Variants in KCNK2 observed in about 807,000 individuals in gnomAD.
The protein encoded by KCNK2 is potassium channel subfamily K member 2.
KCNK2 carries 21 observed loss-of-function variants against 40.5 expected under a neutral mutation model. The observed-to-expected ratio is 0.52, with a 90% confidence interval of 0.37 to 0.75. The LOEUF is 0.75. KCNK2 is among the 30% of genes least tolerant of loss of function. KCNK2 has a pLI of 0.00. For synonymous variants in KCNK2, 191 were observed against 202.2 expected, an observed-to-expected ratio of 0.94 and a Z score of 0.47; for missense variants, 399 against 531.6, an observed-to-expected ratio of 0.75 and a Z score of 2.45.
intron 6 of KCNK2, among the ~76,000 whole-genome samples, chr1:215,220,361 A>G (rs574708283): frequency 2.6e-5 from 4 of 152,242 alleles, no homozygotes; most frequent in African/African-American, 9.6e-5. Context: ...TACTGCCACC[A>G]CCAGGAACCC....
chr1:215,100,375 C>T (rs896054590), intron 2 of KCNK2, among the ~76,000 whole-genome samples: 8 of 151,864 alleles, frequency 5.3e-5, no homozygotes, highest in African/African-American at 1.9e-4. Context: ...CTAAATGGAA[C>T]GTCTTATTTT....
At chr1:215,069,860 C>T (rs1658684393) in intron 1 of KCNK2, among the ~76,000 whole-genome samples, 2 of 152,056 alleles carry the variant, frequency 1.3e-5, no homozygotes. Context: ...TTTCAATGTA[C>T]CCGAAGTCCC....
chr1:215,124,773 T>A, intron 3 of KCNK2, 23 bp downstream of exon 3: 1 of 1,435,704 alleles, frequency 7.0e-7, no homozygotes, highest in Middle Eastern at 1.7e-4. Flanking sequence ...TTATTTTTGT[T>A]TTTTGTTTTG....
chr1:215,180,373 G>T (rs2102648149), intron 5 of KCNK2, among the ~76,000 whole-genome samples: 1 of 152,178 alleles, frequency 6.6e-6, no homozygotes, highest in East Asian at 1.9e-4. Context: ...GGTTAATATT[G>T]ATATGTTAGG....
At chr1:215,042,426 A>T (rs1657602105) in intron 1 of KCNK2, among the ~76,000 whole-genome samples, 1 of 152,202 alleles carries the variant, frequency 6.6e-6, no homozygotes. Context: ...TGGAGGAAGT[A>T]GAGTGTCATA....
Position 215,108,747 on chromosome 1 carries a change from G to A in KCNK2, c.358-15886G>A, listed in dbSNP as rs1174697568. 3.2e-5 allele frequency among the ~76,000 whole-genome samples: 4 copies of A among 124,082 alleles called. 1 individual carries two copies. In the Middle Eastern group the frequency reaches 0.023, roughly 713 times the overall value. The allele number at this position is 124,082 out of a possible 152,430, so 81.4% of individuals were successfully genotyped here. A position where few individuals can be genotyped will look rare whatever the true frequency, so the allele number is the denominator to read the frequency against. On this transcript the variant is annotated intron_variant, in intron 2 of 6. Coordinates refer to ENST00000444842, the MANE Select transcript of KCNK2 (RefSeq NM_001017425.3). Reference sequence around the variant, plus strand: ...ACAGCTCAAACAGTCACTAACAGAGGTCTGGTTGTTTAAATTATAGTAAAC... The same window carrying A: ...ACAGCTCAAACAGTCACTAACAGAGATCTGGTTGTTTAAATTATAGTAAAC...
chr1:215,200,661 C>T (rs1419541909), intron 6 of KCNK2, among the ~76,000 whole-genome samples: 1 of 152,094 alleles, frequency 6.6e-6, no homozygotes, highest in Non-Finnish European at 1.5e-5. Context: ...AGAGTTATTG[C>T]AAGTATCCAG....
intron 3 of KCNK2, among the ~76,000 whole-genome samples, chr1:215,159,865 T>G (rs1282426325): frequency 6.6e-6 from 1 of 152,188 alleles, no homozygotes; most frequent in Non-Finnish European, 1.5e-5. Context: ...TAATATCATA[T>G]ATACCCAGAT....
chr1:215,014,143 T>C (rs1025100006), intron 1 of KCNK2, among the ~76,000 whole-genome samples: 16 of 152,130 alleles, frequency 1.1e-4, no homozygotes, highest in African/African-American at 3.6e-4. Context: ...TTTCAAATGC[T>C]TTTCCTGCCT....
intron 1 of KCNK2, among the ~76,000 whole-genome samples, chr1:215,038,331 C>CT (rs890570026): frequency 6.6e-6 from 1 of 152,014 alleles, no homozygotes; most frequent in Non-Finnish European, 1.5e-5. Flanking sequence ...GTTCATGACT[C>CT]TTTTGTTCAT....
intron 5 of KCNK2, among the ~76,000 whole-genome samples, chr1:215,189,042 G>T (rs1160261513): frequency 6.6e-6 from 1 of 152,116 alleles, no homozygotes; most frequent in Admixed American, 6.6e-5. Flanking sequence ...TTCTCTTCCT[G>T]CTATTTGCTC....
chr1:215,122,169 T>C (rs768275909), intron 2 of KCNK2, among the ~76,000 whole-genome samples: 22 of 152,098 alleles, frequency 1.4e-4, no homozygotes, highest in Non-Finnish European at 2.4e-4. Flanking sequence ...ACTCAATACA[T>C]AGAGATTCAT....
chr1:215,127,703 G>C (rs1661494448), intron 3 of KCNK2, among the ~76,000 whole-genome samples: 1 of 152,184 alleles, frequency 6.6e-6, no homozygotes, highest in South Asian at 2.1e-4. Flanking sequence ...TAAAATGCAA[G>C]CTCTATGAAG....
chr1:215,135,641 C>T (rs1474012536), intron 3 of KCNK2, among the ~76,000 whole-genome samples: 1 of 151,744 alleles, frequency 6.6e-6, no homozygotes, highest in Non-Finnish European at 1.5e-5. Flanking sequence ...CCAGTTATTC[C>T]CACAAGACTG....
In KCNK2 at chr1:215,173,472, TG is replaced by T; in HGVS notation, c.823+1292del. 2.0e-5 allele frequency among the ~76,000 whole-genome samples: 3 copies of T among 152,330 alleles called. No homozygotes were observed. The South Asian group carries it at 6.2e-4, about 32-fold the overall frequency. The stretch of plus-strand genomic sequence containing the variant: ...TATAGCAGCATGATTTATAATCCTT[TG>T]GGTATATACCCAGTAATGGGATGGC... On this transcript the variant is annotated intron_variant, in intron 5 of 6. Coordinates refer to ENST00000444842, the MANE Select transcript of KCNK2 (RefSeq NM_001017425.3).
At chr1:215,097,503 A>T (rs542188323) in intron 2 of KCNK2, among the ~76,000 whole-genome samples, 28 of 151,406 alleles carry the variant, frequency 1.8e-4, no homozygotes, top group Admixed American at 1.5e-3. Context: ...ATAAAGAAAA[A>T]TTTTTTTTTG....
At chr1:215,233,064 T>A (rs1193081067) in intron 6 of KCNK2, among the ~76,000 whole-genome samples, 3 of 152,208 alleles carry the variant, frequency 2.0e-5, no homozygotes, top group Non-Finnish European at 2.9e-5. Flanking sequence ...TAGTAATCAG[T>A]TCTATATCTA....
chr1:215,144,744 G>C (rs1323296219), intron 3 of KCNK2, among the ~76,000 whole-genome samples: 1 of 152,020 alleles, frequency 6.6e-6, no homozygotes, highest in Non-Finnish European at 1.5e-5. Flanking sequence ...AGTTCGTGGT[G>C]GTTTATATTG....
At chr1:215,048,857 C>T (rs1321587844) in intron 1 of KCNK2, among the ~76,000 whole-genome samples, 1 of 152,142 alleles carries the variant, frequency 6.6e-6, no homozygotes, top group African/African-American at 2.4e-5. Context: ...GTTTTAATTG[C>T]TGAGTGGTAT....
Sources: gnomAD v4.1 joint callset for allele counts (sites outside exome capture counted in the v4.1 genomes callset) on GRCh38, gnomAD v4.1.1 for gene constraint, MANE v1.5 for transcripts, NCBI Gene and HGNC (gene_info 2026-07-23, HGNC 2026-07-21) for gene names.